NPAS3: variants seen among roughly 807,000 people sequenced by gnomAD.
NPAS3 encodes the protein neuronal PAS domain-containing protein 3.
A neutral mutation model predicts 73.1 loss-of-function variants in NPAS3; 14 were observed. That is an observed-to-expected ratio of 0.19 (90% CI 0.13 to 0.30). The LOEUF (loss-of-function observed/expected upper bound fraction) is 0.30, where lower values mean the gene tolerates loss of function less well. Among genes scored for constraint, NPAS3 ranks in the 10% least tolerant of loss-of-function variants. NPAS3 has a pLI of 1.00. For missense variants in NPAS3, 1,096 were observed against 1,250.0 expected, an observed-to-expected ratio of 0.88 and a Z score of 1.86; for synonymous variants, 620 against 541.5, an observed-to-expected ratio of 1.14 and a Z score of -2.01.
At chr14:33,268,283 T>C (rs538724601) in intron 3 of NPAS3, among the ~76,000 whole-genome samples, 32 of 152,302 alleles carry the variant, frequency 2.1e-4, no homozygotes, top group African/African-American at 7.2e-4. Flanking sequence ...AATACAGACC[T>C]GCTTGATCTC....
intron 4 of NPAS3, among the ~76,000 whole-genome samples, chr14:33,430,069 A>G (rs2048718733): frequency 6.6e-6 from 1 of 152,114 alleles, no homozygotes; most frequent in Non-Finnish European, 1.5e-5. Context: ...TAGAAAATCA[A>G]AGCGTAATCT....
chr14:33,272,358 A>G (rs1303918365), intron 3 of NPAS3, among the ~76,000 whole-genome samples: 1 of 152,208 alleles, frequency 6.6e-6, no homozygotes, highest in African/African-American at 2.4e-5. Context: ...TTTCTGAATT[A>G]GAGTCATAAT....
Position 33,694,956 on chromosome 14 carries a change from T to C in NPAS3, c.733+18571T>C, listed in dbSNP as rs543762937. On this transcript the variant is annotated intron_variant, in intron 6 of 11. Coordinates refer to ENST00000356141, the Ensembl canonical transcript of NPAS3. ...ACCATCATGTATATGATGCCCTTGA[T>C]AGCTTCTAAAGGCCTTGCAAAGAAA... 2.6e-5 allele frequency among the ~76,000 whole-genome samples: 4 copies of C among 152,282 alleles called. No individual in the cohort carries two copies. In the East Asian group the frequency reaches 5.8e-4, roughly 22 times the overall value.
chr14:33,040,045 A>T lies in NPAS3; in HGVS notation c.51-15860A>T, dbSNP rs573967919. Among the ~76,000 whole-genome samples, 4 of 152,274 alleles carry T rather than the reference A, an allele frequency of 2.6e-5. No individual in the cohort carries two copies. The East Asian group carries it at 7.7e-4, about 29-fold the overall frequency. On this transcript the variant is annotated intron_variant, in intron 1 of 11. Transcript: ENST00000356141. Reference sequence around the variant, plus strand: ...TCCCTCAAGAAAAGGCTGTTTGACAAATATTTTCTTTTTTTCTTTTTTTTT... The same window carrying T: ...TCCCTCAAGAAAAGGCTGTTTGACATATATTTTCTTTTTTTCTTTTTTTTT...
intron 6 of NPAS3, among the ~76,000 whole-genome samples, chr14:33,718,317 AC>A (rs1334965898): frequency 6.6e-6 from 1 of 151,420 alleles, no homozygotes; most frequent in Non-Finnish European, 1.5e-5. Context: ...CTTTCTTGCT[AC>A]CCTACATCTT....
At chr14:33,295,362 G>C (rs8007568) in intron 3 of NPAS3, among the ~76,000 whole-genome samples, 35,074 of 152,040 alleles carry the variant, frequency 0.23, 4,288 homozygotes, top group African/African-American at 0.31. Flanking sequence ...CATTTTAAAA[G>C]TCCTTTTCTG....
intron 5 of NPAS3, among the ~76,000 whole-genome samples, chr14:33,647,276 C>T (rs879603516): frequency 3.3e-5 from 5 of 150,774 alleles, no homozygotes; most frequent in African/African-American, 1.2e-4. Context: ...CTTACTCTCT[C>T]TCTCTCTCTC....
intron 5 of NPAS3, among the ~76,000 whole-genome samples, chr14:33,609,300 A>G (rs1391408742): frequency 1.3e-5 from 2 of 152,208 alleles, no homozygotes; most frequent in East Asian, 3.9e-4. Flanking sequence ...TGTTGCATGA[A>G]TGGCACCAAA....
intron 6 of NPAS3, among the ~76,000 whole-genome samples, chr14:33,679,552 ATTCTT>A (rs1222803610): frequency 1.3e-5 from 2 of 152,206 alleles, no homozygotes; most frequent in Non-Finnish European, 2.9e-5. Flanking sequence ...TAAAACACAG[ATTCTT>A]TTTTAAACGG....
intron 6 of NPAS3, among the ~76,000 whole-genome samples, chr14:33,727,730 A>G (rs1409355247): frequency 6.6e-6 from 1 of 152,118 alleles, no homozygotes; most frequent in East Asian, 1.9e-4. Context: ...ACCACTTTAT[A>G]GTTGTGATAA....
intron 2 of NPAS3, among the ~76,000 whole-genome samples, chr14:33,097,026 A>G (rs2042439732): frequency 6.6e-6 from 1 of 152,028 alleles, no homozygotes; most frequent in African/African-American, 2.4e-5. Context: ...AAACAGCACC[A>G]GTACCATGGA....
At chr14:33,612,136 T>C (rs1304886278) in intron 5 of NPAS3, among the ~76,000 whole-genome samples, 3 of 151,892 alleles carry the variant, frequency 2.0e-5, no homozygotes, top group African/African-American at 7.3e-5. Flanking sequence ...TTCTGAGGGG[T>C]CTGCTAGCTC....
chr14:32,972,458 A>T (rs1424801199), intron 1 of NPAS3, among the ~76,000 whole-genome samples: 1 of 152,234 alleles, frequency 6.6e-6, no homozygotes, highest in Non-Finnish European at 1.5e-5. Context: ...ATACACACAC[A>T]TGCACATGCA....
chr14:33,071,611 C>A (rs1450478867), intron 2 of NPAS3, among the ~76,000 whole-genome samples: 1 of 152,124 alleles, frequency 6.6e-6, no homozygotes, highest in Non-Finnish European at 1.5e-5. Flanking sequence ...CATTTTATGG[C>A]ACTTTAAATA....
At chr14:33,322,566 AG>A (rs2140241980) in intron 3 of NPAS3, among the ~76,000 whole-genome samples, 1 of 151,852 alleles carries the variant, frequency 6.6e-6, no homozygotes, top group South Asian at 2.1e-4. Flanking sequence ...AAAATTTTAA[AG>A]AAGTCTTTTT....
rs145138820 is a variant in NPAS3, at chr14:32,968,158, C to G, written c.50+28792C>G. Among the ~76,000 whole-genome samples the G allele has an allele frequency of 1.2e-4, 19 of 152,174 alleles. No homozygotes were observed. The East Asian group carries it at 3.5e-3, about 28-fold the overall frequency. On this transcript the variant is annotated intron_variant, in intron 1 of 11. Transcript: ENST00000356141. ...GTTAGGAGGAATAAGTTCTGGTGTT[C>G]TGTTGCACAGTAGGATGACTACAGT... is the stretch of plus-strand genomic sequence containing the variant.
intron 4 of NPAS3, among the ~76,000 whole-genome samples, chr14:33,399,704 C>T (rs953951175): frequency 1.3e-5 from 2 of 150,998 alleles, no homozygotes; most frequent in African/African-American, 4.9e-5. Context: ...ATTTCCTTTC[C>T]TTTCTACGTG....
At chr14:33,038,438 AC>A in intron 1 of NPAS3, among the ~76,000 whole-genome samples, 1 of 152,188 alleles carries the variant, frequency 6.6e-6, no homozygotes, top group Non-Finnish European at 1.5e-5. Flanking sequence ...AAACAAAAAA[AC>A]AAATATTTCT....
At chr14:33,018,887 A>G (rs1433915278) in intron 1 of NPAS3, among the ~76,000 whole-genome samples, 4 of 152,140 alleles carry the variant, frequency 2.6e-5, no homozygotes, top group Non-Finnish European at 4.4e-5. Flanking sequence ...TTGTATGCAC[A>G]TAAAGGTAAC....
Sources: allele counts gnomAD v4.1 joint callset (sites outside exome capture counted in the v4.1 genomes callset), GRCh38; gene constraint gnomAD v4.1.1; transcripts MANE v1.5; gene names NCBI Gene and HGNC (gene_info 2026-07-23, HGNC 2026-07-21).